Variants in CECR2 observed in about 807,000 individuals in gnomAD.
The protein encoded by CECR2 is CECR2 histone acetyl-lysine reader, also known as chromatin remodeling regulator CECR2.
Under a neutral mutation model 154.5 loss-of-function variants are expected in CECR2, and 30 were observed. That is an observed-to-expected ratio of 0.19 (90% CI 0.15 to 0.26). The LOEUF (loss-of-function observed/expected upper bound fraction) is 0.26, where lower values mean the gene tolerates loss of function less well. Ranked by LOEUF, CECR2 falls within the 10% of genes least tolerant of loss-of-function variation. The pLI is 1.00. For synonymous variants in CECR2, 725 were observed against 683.7 expected, an observed-to-expected ratio of 1.06 and a Z score of -0.94; for missense variants, 1,743 against 1,829.3, an observed-to-expected ratio of 0.95 and a Z score of 0.86.
intron 13 of CECR2, among the ~76,000 whole-genome samples, chr22:17,539,338 T>C (rs1283024914): frequency 6.6e-6 from 1 of 152,198 alleles, no homozygotes; most frequent in Non-Finnish European, 1.5e-5. Context: ...GCTAACTGGC[T>C]CATCCTGGAG....
intron 7 of CECR2, among the ~76,000 whole-genome samples, chr22:17,509,688 A>G (rs956090644): frequency 2.0e-5 from 3 of 152,212 alleles, no homozygotes; most frequent in African/African-American, 7.2e-5. Flanking sequence ...GTTTAATTAC[A>G]AAGAACCCAT....
At chr22:17,428,211 G>A (rs2054361042) in intron 1 of CECR2, 1 of 152,100 alleles carries the variant, frequency 6.6e-6, no homozygotes, top group African/African-American at 2.4e-5. Context: ...TGTAGATTCT[G>A]GATATTAGCC....
chr22:17,376,937 C>T (rs2063126108), intron 1 of CECR2, among the ~76,000 whole-genome samples: 1 of 152,122 alleles, frequency 6.6e-6, no homozygotes, highest in South Asian at 2.1e-4. Flanking sequence ...CTCCCAGCCC[C>T]TAAACACATT....
intron 1 of CECR2, among the ~76,000 whole-genome samples, chr22:17,410,349 T>C (rs2054049507): frequency 6.6e-6 from 1 of 152,188 alleles, no homozygotes; most frequent in Non-Finnish European, 1.5e-5. Context: ...AGCGTAAGCC[T>C]TGTCAGGATT....
At position 17,542,395 on chromosome 22, in the gene CECR2, G is replaced by A; in HGVS notation, c.2252G>A (p.Ser751Asn). The change falls in exon 16 of 19, where the codon AGC (serine) becomes AAC (asparagine). Residue 751 changes from serine (S) to asparagine (N), a missense_variant. Around this residue, in one of 4 missense-constraint regions of CECR2, gnomAD observed 1,250 missense variants for 1,192.1 expected, o/e 1.05. Transcript: ENST00000262608. ...APARPPDFPE[S>N]SEIPPSHMYR... ...GCCCGGCCACCAGACTTTCCTGAAA[G>A]CTCAGAAATTCCTCCCAGCCATATG... The A allele has an allele frequency of 6.2e-7, 1 of 1,613,752 alleles. No homozygotes were observed.
intron 2 of CECR2, among the ~76,000 whole-genome samples, chr22:17,487,359 C>T (rs2055439397): frequency 6.6e-6 from 1 of 152,138 alleles, no homozygotes; most frequent in African/African-American, 2.4e-5. Flanking sequence ...AGTAAAGCTA[C>T]GATTGAATCA....
chr22:17,382,392 A>G (rs2063208540), intron 1 of CECR2, among the ~76,000 whole-genome samples: 1 of 152,202 alleles, frequency 6.6e-6, no homozygotes, highest in South Asian at 2.1e-4. Context: ...GGAATAGAAC[A>G]GACTGGAAGA....
intron 2 of CECR2, among the ~76,000 whole-genome samples, chr22:17,484,530 AT>A (rs144721906): frequency 0.027 from 4,138 of 151,516 alleles, 63 homozygotes; most frequent in Middle Eastern, 0.034. Flanking sequence ...GTTTTTTTTA[AT>A]TTTTTTTCCC....
chr22:17,387,024 T>C (rs2063271113), intron 1 of CECR2, among the ~76,000 whole-genome samples: 1 of 152,216 alleles, frequency 6.6e-6, no homozygotes, highest in South Asian at 2.1e-4. Flanking sequence ...AATACTTCAG[T>C]TTTTAGTTTC....
intron 1 of CECR2, among the ~76,000 whole-genome samples, chr22:17,414,462 T>TC (rs933457443): frequency 6.6e-6 from 1 of 151,532 alleles, no homozygotes; most frequent in Non-Finnish European, 1.5e-5. Context: ...TTTTCTTTTT[T>TC]TTTTTTTTAG....
At chr22:17,465,098 G>C (rs1049646988) in intron 1 of CECR2, among the ~76,000 whole-genome samples, 1 of 150,260 alleles carries the variant, frequency 6.7e-6, no homozygotes, top group African/African-American at 2.4e-5. Context: ...CTGGGTTCAC[G>C]CCATTCTCCT....
chr22:17,364,826 CAAAAAACAAAAAACAAAACAAACAAACA>C (rs2062993490), upstream of CECR2, among the ~76,000 whole-genome samples: 1 of 149,354 alleles, frequency 6.7e-6, no homozygotes, highest in Admixed American at 6.6e-5. Context: ...GATTCCGTCT[CAAAAAACAAAAAACAAAACAAACAAACA>C]AAAAAACAAA....
chr22:17,531,242 G>A (rs1003966660), intron 9 of CECR2, among the ~76,000 whole-genome samples: 7 of 151,964 alleles, frequency 4.6e-5, no homozygotes, highest in Non-Finnish European at 7.4e-5. Context: ...TGACACAGAC[G>A]GAGGAATCGG....
intron 7 of CECR2, among the ~76,000 whole-genome samples, chr22:17,507,421 CAAT>C (rs1377252384): frequency 6.6e-6 from 1 of 152,146 alleles, no homozygotes; most frequent in South Asian, 2.1e-4. Context: ...CTTAAAGTAA[CAAT>C]GATGTAAAGA....
intron 1 of CECR2, among the ~76,000 whole-genome samples, chr22:17,410,715 A>G (rs1467576506): frequency 6.6e-6 from 1 of 152,192 alleles, no homozygotes; most frequent in African/African-American, 2.4e-5. Flanking sequence ...CTGCTGGGTA[A>G]TATTACAGGC....
At chr22:17,495,165 T>A (rs965452400) in intron 2 of CECR2, among the ~76,000 whole-genome samples, 1 of 152,156 alleles carries the variant, frequency 6.6e-6, no homozygotes, top group Admixed American at 6.5e-5. Flanking sequence ...AAGAAAAAAC[T>A]TTTCACATCA....
rs183246425 is a variant in CECR2 at position 17,526,292 on chromosome 22, G to A, written c.1108+2021G>A. Among the ~76,000 whole-genome samples, 4 of 152,222 alleles carry A rather than the reference G, an allele frequency of 2.6e-5. No individual in the cohort carries two copies. In the East Asian group the frequency reaches 7.7e-4, roughly 29 times the overall value. On this transcript the variant is annotated intron_variant, in intron 9 of 18. Transcript: ENST00000262608. Reference sequence around the variant, plus strand: ...GGGACCAAAACAATATGGGGATCTGGCATAAAAACCAACACACAGACAAAT... The same window carrying A: ...GGGACCAAAACAATATGGGGATCTGACATAAAAACCAACACACAGACAAAT...
Position 17,540,720 on chromosome 22 carries a change from G to A in CECR2, c.1804G>A (p.Gly602Ser), listed in dbSNP as rs752677007. ...SSSTQPPREV[G>S]TSNGRGFSHP... ...CTCCACACAGCCCCCGCGGGAGGTG[G>A]GCACTTCCAATGGCCGAGGTTTTTC... Residue 602 changes from glycine (G) to serine (S), a missense_variant, in exon 14 of 19, where the codon GGC (glycine) becomes AGC (serine). Transcript: ENST00000262608. 29 of 1,612,600 alleles carry A rather than the reference G, an allele frequency of 1.8e-5. No individual in the cohort carries two copies. Among genetic ancestry groups the A allele is most frequent in the South Asian group, 4.4e-5 (4 of 90,766 alleles).
intron 8 of CECR2, among the ~76,000 whole-genome samples, chr22:17,519,292 G>GTTTTTTTT (rs80083383): frequency 8.7e-6 from 1 of 114,660 alleles, no homozygotes. Context: ...GGTGTTTTGT[G>GTTTTTTTT]TTTTTTTTTT....
Sources: allele counts gnomAD v4.1 joint callset (sites outside exome capture counted in the v4.1 genomes callset), GRCh38; gene constraint gnomAD v4.1.1; regional missense constraint gnomAD v4.1.1; transcripts MANE v1.5; gene names NCBI Gene and HGNC (gene_info 2026-07-23, HGNC 2026-07-21).